DNAJC1: variants seen among roughly 807,000 people sequenced by gnomAD.
DNAJC1 encodes DnaJ heat shock protein family (Hsp40) member C1.
A neutral mutation model predicts 76.6 loss-of-function variants in DNAJC1; 58 were observed. That is an observed-to-expected ratio of 0.76 (90% CI 0.61 to 0.94). DNAJC1 has a LOEUF of 0.94. Among genes scored for constraint, DNAJC1 ranks in the 40% least tolerant of loss-of-function variants. The probability of loss-of-function intolerance (pLI) is 0.00; values close to 1 mark genes in which losing one functional copy is unlikely to be tolerated. For synonymous variants in DNAJC1, 258 were observed against 267.9 expected (o/e 0.96, Z 0.36); for missense variants, 689 against 677.3 (o/e 1.02, Z -0.19).
chr10:21,946,286 C>T (rs894730316), intron 1 of DNAJC1, among the ~76,000 whole-genome samples: 10 of 151,484 alleles, frequency 6.6e-5, no homozygotes, highest in African/African-American at 1.5e-4. Flanking sequence ...GTGATCTGCC[C>T]GCCTCAGCCT....
chr10:21,847,461 T>G (rs1252484686), intron 8 of DNAJC1, among the ~76,000 whole-genome samples: 2 of 152,194 alleles, frequency 1.3e-5, no homozygotes, highest in Non-Finnish European at 2.9e-5. Flanking sequence ...AATCTTATCT[T>G]CTAGCTGTTT....
chr10:21,776,690 A>C (rs1005863585), intron 9 of DNAJC1, among the ~76,000 whole-genome samples: 2 of 152,192 alleles, frequency 1.3e-5, no homozygotes, highest in African/African-American at 4.8e-5. Flanking sequence ...TAATGTCTTT[A>C]AACTTTTCTG....
rs542433400 is a variant in DNAJC1, at chr10:21,772,635, A to T, written c.1099-6326T>A. Reference sequence around the variant, plus strand: ...AGTCCTTTCTCTTTTTTTCTTGGTTAATTACTTACTTAAATGCATGTTAAT... The same window carrying T: ...AGTCCTTTCTCTTTTTTTCTTGGTTTATTACTTACTTAAATGCATGTTAAT... On this transcript the variant is annotated intron_variant, in intron 9 of 11. Coordinates refer to ENST00000376980, the MANE Select transcript of DNAJC1 (RefSeq NM_022365.4). Among the ~76,000 whole-genome samples, 20 of 151,528 alleles carry T rather than the reference A, an allele frequency of 1.3e-4. No individual in the cohort carries two copies. The South Asian group carries it at 4.2e-3, about 31-fold the overall frequency.
chr10:21,770,395 C>CTTTTTTTTTT, intron 9 of DNAJC1, among the ~76,000 whole-genome samples: 1 of 107,566 alleles, frequency 9.3e-6, no homozygotes, highest in Non-Finnish European at 1.8e-5. Context: ...TTTTTTTCTT[C>CTTTTTTTTTT]TTTTTTTTTT....
intron 8 of DNAJC1, among the ~76,000 whole-genome samples, chr10:21,844,174 C>T (rs1835618771): frequency 6.6e-6 from 1 of 152,114 alleles, no homozygotes; most frequent in African/African-American, 2.4e-5. Context: ...TATCCATTCT[C>T]GATTATGTCT....
chr10:21,805,086 A>T (rs2131641369), intron 9 of DNAJC1, among the ~76,000 whole-genome samples: 1 of 152,228 alleles, frequency 6.6e-6, no homozygotes, highest in South Asian at 2.1e-4. Context: ...TGCAGGTTTT[A>T]AAAAACTATC....
At chr10:21,934,258 C>T (rs1837275306) in intron 1 of DNAJC1, among the ~76,000 whole-genome samples, 1 of 150,558 alleles carries the variant, frequency 6.6e-6, no homozygotes, top group Admixed American at 6.6e-5. Context: ...TAGAAAAAAG[C>T]TTATAAGGAT....
At chr10:21,774,063 C>T (rs2131623262) in intron 9 of DNAJC1, among the ~76,000 whole-genome samples, 1 of 148,182 alleles carries the variant, frequency 6.7e-6, no homozygotes, top group South Asian at 2.1e-4. Flanking sequence ...ATGGCGTGAA[C>T]CCGGGAGGCG....
chr10:21,833,532 G>A (rs1835396643), intron 8 of DNAJC1, among the ~76,000 whole-genome samples: 1 of 152,156 alleles, frequency 6.6e-6, no homozygotes, highest in African/African-American at 2.4e-5. Flanking sequence ...AGTGAAGTGG[G>A]TGTGAATCAC....
intron 1 of DNAJC1, among the ~76,000 whole-genome samples, chr10:21,970,206 G>A (rs1837956224): frequency 6.6e-6 from 1 of 151,960 alleles, no homozygotes; most frequent in African/African-American, 2.4e-5. Flanking sequence ...ACATAATTTT[G>A]TACTATCTAA....
intron 1 of DNAJC1, among the ~76,000 whole-genome samples, chr10:21,984,409 GAT>G (rs1046436183): frequency 3.3e-5 from 5 of 152,200 alleles, no homozygotes; most frequent in Non-Finnish European, 5.9e-5. Context: ...CAAGTTGCAA[GAT>G]ATCTGGTACA....
chr10:21,850,905 A>C (rs573465685), intron 8 of DNAJC1, among the ~76,000 whole-genome samples: 2 of 152,198 alleles, frequency 1.3e-5, no homozygotes, highest in Admixed American at 6.5e-5. Context: ...ACAGGTGACA[A>C]GTCCATTTAA....
intron 9 of DNAJC1, among the ~76,000 whole-genome samples, chr10:21,791,547 C>G (rs1310744794): frequency 6.6e-6 from 1 of 152,160 alleles, no homozygotes; most frequent in Non-Finnish European, 1.5e-5. Flanking sequence ...CAAGTATCCT[C>G]TCTGACCACA....
intron 1 of DNAJC1, among the ~76,000 whole-genome samples, chr10:21,977,723 G>A (rs1467670874): frequency 2.6e-5 from 4 of 152,050 alleles, no homozygotes; most frequent in Non-Finnish European, 5.9e-5. Flanking sequence ...TAAGAGTCAG[G>A]AGGCTTATGT....
At chr10:21,977,726 G>T (rs1838088740) in intron 1 of DNAJC1, among the ~76,000 whole-genome samples, 1 of 152,012 alleles carries the variant, frequency 6.6e-6, no homozygotes. Context: ...GAGTCAGGAG[G>T]CTTATGTTAT....
At chr10:21,968,126 G>GC (rs1432276328) in intron 1 of DNAJC1, among the ~76,000 whole-genome samples, 1 of 152,168 alleles carries the variant, frequency 6.6e-6, no homozygotes, top group Non-Finnish European at 1.5e-5. Flanking sequence ...TCAGCCATTT[G>GC]CAATGGATTA....
intron 9 of DNAJC1, among the ~76,000 whole-genome samples, chr10:21,772,920 G>A (rs1834405251): frequency 6.6e-6 from 1 of 152,124 alleles, no homozygotes; most frequent in Non-Finnish European, 1.5e-5. Flanking sequence ...GGCAAACTAG[G>A]AGGCAGCACT....
chr10:21,908,714 A>G (rs960300262), intron 6 of DNAJC1, among the ~76,000 whole-genome samples: 2 of 152,032 alleles, frequency 1.3e-5, no homozygotes, highest in Non-Finnish European at 2.9e-5. Flanking sequence ...GCTTACTTCA[A>G]TTGATTAGGG....
At chr10:21,893,293 T>C (rs1245185432) in intron 7 of DNAJC1, among the ~76,000 whole-genome samples, 5 of 151,956 alleles carry the variant, frequency 3.3e-5, no homozygotes, top group Non-Finnish European at 7.4e-5. Context: ...AAAGAGGAAA[T>C]CTCAAGAAAA....
Sources: allele counts gnomAD v4.1 joint callset (sites outside exome capture counted in the v4.1 genomes callset), GRCh38; gene constraint gnomAD v4.1.1; transcripts MANE v1.5; gene names NCBI Gene and HGNC (gene_info 2026-07-23, HGNC 2026-07-21).